The following SPMIP6 variants were observed in gnomAD, a reference collection of about 807,000 sequenced individuals.
SPMIP6 encodes the protein ciliated bronchial epithelial protein 1.
the SPMIP6 span, among the ~76,000 whole-genome samples, chr9:34,395,812 T>A: frequency 6.6e-6 from 1 of 152,218 alleles, no homozygotes; most frequent in Non-Finnish European, 1.5e-5. Flanking sequence ...GTCACCCTAA[T>A]CTCTCACCTT....
At chr9:34,381,371 T>C in the SPMIP6 span, 4 of 1,613,922 alleles carry the variant, frequency 2.5e-6, no homozygotes, top group African/African-American at 4.0e-5. The surrounding 1 kb of genome is among the most constrained non-coding windows in gnomAD (Gnocchi z 4.4). Context: ...CTCTTTACCG[T>C]AGGCATTGAG....
the SPMIP6 span, among the ~76,000 whole-genome samples, chr9:34,394,950 C>T: frequency 1.3e-5 from 2 of 150,912 alleles, no homozygotes; most frequent in African/African-American, 4.9e-5. Flanking sequence ...CCAAAAGCAG[C>T]AGCTTTTCCT....
chr9:34,382,610 G>A, the SPMIP6 span: 1 of 632,930 alleles, frequency 1.6e-6, no homozygotes, highest in African/African-American at 1.9e-5. Flanking sequence ...ACAAACTCTA[G>A]TTTCACAGAT....
chr9:34,387,503 G>A, the SPMIP6 span, among the ~76,000 whole-genome samples: 1 of 151,858 alleles, frequency 6.6e-6, no homozygotes, highest in Non-Finnish European at 1.5e-5. Flanking sequence ...GCATTTCTCC[G>A]AGCTTTACAC....
At chr9:34,396,147 TTTTA>T in the SPMIP6 span, among the ~76,000 whole-genome samples, 35 of 152,276 alleles carry the variant, frequency 2.3e-4, no homozygotes, top group African/African-American at 7.5e-4. Flanking sequence ...TTGTAATAAA[TTTTA>T]TTTATTTTTA....
At chr9:34,392,140 G>A in the SPMIP6 span, among the ~76,000 whole-genome samples, 2 of 151,954 alleles carry the variant, frequency 1.3e-5, no homozygotes, top group Middle Eastern at 3.2e-3. The surrounding 1 kb of genome is among the most constrained non-coding windows in gnomAD (Gnocchi z 4.6). Context: ...TGGTGTGATC[G>A]TGGCTCATTG....
At chr9:34,397,437 T>C in the SPMIP6 span, 1 of 1,525,618 alleles carries the variant, frequency 6.6e-7, no homozygotes, top group Non-Finnish European at 9.1e-7. Context: ...AAACATACAT[T>C]GCCAGGCATC....
At chr9:34,382,430 C>T in the SPMIP6 span, among the ~76,000 whole-genome samples, 1 of 152,084 alleles carries the variant, frequency 6.6e-6, no homozygotes, top group Non-Finnish European at 1.5e-5. Flanking sequence ...ACTAACAATA[C>T]AAAAATTAGC....
chr9:34,382,147 AAAGGTAGTATATC>A, the SPMIP6 span, among the ~76,000 whole-genome samples: 29 of 152,268 alleles, frequency 1.9e-4, no homozygotes, highest in Admixed American at 1.8e-3. Flanking sequence ...CAAGCTTCGG[AAAGGTAGTATATC>A]AAGGAGTGCA....
At chr9:34,382,663 C>T in the SPMIP6 span, 4 of 822,632 alleles carry the variant, frequency 4.9e-6, no homozygotes, top group South Asian at 1.3e-5. Context: ...CAATGAGGAC[C>T]TAATGGTGAA....
the SPMIP6 span, among the ~76,000 whole-genome samples, chr9:34,394,403 C>T: frequency 2.4e-4 from 37 of 152,322 alleles, no homozygotes; most frequent in Admixed American, 1.7e-3. Context: ...GATCCACCCA[C>T]CTCGGCCTCC....
the SPMIP6 span, chr9:34,381,197 G>A: frequency 6.4e-7 from 1 of 1,555,284 alleles, no homozygotes; most frequent in Non-Finnish European, 8.7e-7. This position sits in a 1 kb window ranked among gnomAD's most constrained non-coding sequence, Gnocchi z 4.4. Flanking sequence ...AAGAGGCCGA[G>A]TCACGGACAG....
chr9:34,381,707 C>T, the SPMIP6 span: 2 of 1,362,970 alleles, frequency 1.5e-6, no homozygotes, highest in African/African-American at 1.5e-5. This position sits in a 1 kb window ranked among gnomAD's most constrained non-coding sequence, Gnocchi z 4.4. Context: ...TCAGCGTTTG[C>T]CTTTGATTTT....
At chr9:34,380,055 G>A in the SPMIP6 span, among the ~76,000 whole-genome samples, 1 of 152,196 alleles carries the variant, frequency 6.6e-6, no homozygotes, top group South Asian at 2.1e-4. Flanking sequence ...GTAGGACGAG[G>A]CATCATTTCT....
At chr9:34,379,127 A>T in the SPMIP6 span, 1 of 1,613,794 alleles carries the variant, frequency 6.2e-7, no homozygotes, top group Non-Finnish European at 8.5e-7. This position sits in a 1 kb window ranked among gnomAD's most constrained non-coding sequence, Gnocchi z 4.2. Flanking sequence ...CAGGATGGAT[A>T]ACATAGTTGT....
At chr9:34,381,764 C>T in the SPMIP6 span, 1 of 985,384 alleles carries the variant, frequency 1.0e-6, no homozygotes, top group African/African-American at 1.7e-5. This position sits in a 1 kb window ranked among gnomAD's most constrained non-coding sequence, Gnocchi z 4.4. Context: ...CTGGGTGTCT[C>T]TCTAATAGGG....
the SPMIP6 span, among the ~76,000 whole-genome samples, chr9:34,388,720 A>C: frequency 1.2e-4 from 19 of 152,048 alleles, no homozygotes; most frequent in South Asian, 2.1e-4. Context: ...TTGTGAGTTT[A>C]TCTCTTAAAT....
chr9:34,395,267 T>C, the SPMIP6 span, among the ~76,000 whole-genome samples: 1 of 152,152 alleles, frequency 6.6e-6, no homozygotes, highest in East Asian at 1.9e-4. Context: ...ATGCCTGGCT[T>C]TTCCTTCATT....
At chr9:34,385,879 C>G in the SPMIP6 span, 2 of 1,312,786 alleles carry the variant, frequency 1.5e-6, no homozygotes, top group Non-Finnish European at 2.1e-6. Flanking sequence ...GAAGGTCAGC[C>G]CAGGTGGGTC....
Sources: gnomAD v4.1 joint callset for allele counts (sites outside exome capture counted in the v4.1 genomes callset) on GRCh38, gnomAD v4.1.1 for gene constraint, Gnocchi (gnomAD v3.1) non-coding constraint, MANE v1.5 for transcripts, NCBI Gene and HGNC (gene_info 2026-07-23, HGNC 2026-07-21) for gene names.